ROS1: variants seen among roughly 807,000 people sequenced by gnomAD.
ROS1 encodes the protein ROS proto-oncogene 1, receptor tyrosine kinase.
In ROS1, 263 loss-of-function variants were observed where a neutral mutation model predicts 273.5. The ratio of observed to expected loss-of-function variants is 0.96; its 90% CI spans 0.87 to 1.06. The LOEUF (loss-of-function observed/expected upper bound fraction) is 1.06, where lower values mean the gene tolerates loss of function less well. ROS1 is among the 50% of genes least tolerant of loss of function. The pLI, the probability that ROS1 is intolerant of heterozygous loss-of-function variation, is 0.00. For missense variants in ROS1, 2,833 were observed against 2,751.1 expected, an observed-to-expected ratio of 1.03 and a Z score of -0.67; for synonymous variants, 1,008 against 954.1, an observed-to-expected ratio of 1.06 and a Z score of -1.04.
At position 117,404,432 on chromosome 6, in the gene ROS1, G is replaced by A. The variant is rs547917167; in HGVS notation, c.317-4C>T. The A allele has an allele frequency of 6.2e-7, 1 of 1,610,862 alleles. No individual in the cohort carries two copies. Among genetic ancestry groups the A allele is most frequent in the South Asian group, 1.1e-5 (1 of 90,482 alleles). On this transcript the variant is annotated splice_region_variant and splice_polypyrimidine_tract_variant and intron_variant, in intron 5 of 43. Coordinates refer to ENST00000368507, the MANE Select transcript of ROS1 (RefSeq NM_001378902.1). ...GCAGTTGGTAGGTCTGCATTTTCTG[G>A]GGAAAAAACAAGATTTCACTCACCA...
At chr6:117,346,468 A>G (rs1425737333) in intron 27 of ROS1, among the ~76,000 whole-genome samples, 1 of 151,660 alleles carries the variant, frequency 6.6e-6, no homozygotes, top group African/African-American at 2.4e-5. Flanking sequence ...TAAAAAAAAA[A>G]CTCATGCCAC....
chr6:117,288,266 T>G lies in ROS1; in HGVS notation c.*226A>C. On this transcript the variant is annotated 3_prime_UTR_variant, in exon 44 of 44. Transcript: ENST00000368507. Reference sequence around the variant, plus strand: ...TCTGAGTCTTCCTAAGCTTTCCACATGCTTAGTGTTCATCTCATAATTCTA... The same window carrying G: ...TCTGAGTCTTCCTAAGCTTTCCACAGGCTTAGTGTTCATCTCATAATTCTA... 3.6e-6 allele frequency: 2 copies of G among 548,632 alleles called. No homozygotes were observed. The highest frequency in any genetic ancestry group is 3.2e-6 in the Non-Finnish European group (1 of 312,202). The allele number at this position is 548,632 out of a possible 1,614,324, so 34.0% of individuals were successfully genotyped here.
chr6:117,297,868 A>T (rs1344489181), intron 43 of ROS1, among the ~76,000 whole-genome samples: 1 of 152,188 alleles, frequency 6.6e-6, no homozygotes, highest in South Asian at 2.1e-4. Flanking sequence ...TTCCATTACT[A>T]GGTATCTATC....
At position 117,319,878 on chromosome 6, in the gene ROS1, A is replaced by G. The variant is rs145889490; in HGVS notation, c.5912T>C (p.Val1971Ala). 2.9e-5 allele frequency: 47 copies of G among 1,613,060 alleles called. No individual in the cohort carries two copies. The African/African-American group carries it at 5.7e-4, about 20-fold the overall frequency. The change falls in exon 37 of 44, where the codon GTA becomes GCA. Residue 1971 changes from valine to alanine, a missense_variant. Transcript: ENST00000368507. ...ILGVGSGEIK[V>A]AVKTLKKGST... ...GAAGATTCACATTACCTTCACTGCT[A>G]CTTTGATTTCTCCACTTCCAACTCC...
chr6:117,351,773 T>G lies in ROS1; in HGVS notation c.4303+1217A>C, dbSNP rs188385389. ...TTTTCAGTTTGCTCAGACTTTTACT[T>G]GTTTTTGGGTGGAGTGGCAATTTCT... On this transcript the variant is annotated intron_variant, in intron 27 of 43. Coordinates refer to ENST00000368507, the MANE Select transcript of ROS1 (RefSeq NM_001378902.1). 2.2e-4 allele frequency among the ~76,000 whole-genome samples: 34 copies of G among 152,304 alleles called. 1 individual carries two copies. Among genetic ancestry groups the G allele is most frequent in the Middle Eastern group, 6.8e-3 (2 of 294 alleles).
chr6:117,348,192 A>G (rs1374377697), intron 27 of ROS1, among the ~76,000 whole-genome samples: 1 of 152,036 alleles, frequency 6.6e-6, no homozygotes, highest in Non-Finnish European at 1.5e-5. Context: ...GATAGAATGC[A>G]TCATTGAATC....
chr6:117,367,161 T>G (rs1780328646), intron 18 of ROS1, among the ~76,000 whole-genome samples: 1 of 152,092 alleles, frequency 6.6e-6, no homozygotes, highest in African/African-American at 2.4e-5. Flanking sequence ...AGCCTATAGA[T>G]GTGAAGTTAG....
At chr6:117,417,787 T>A (rs1775446688) in intron 2 of ROS1, among the ~76,000 whole-genome samples, 1 of 152,238 alleles carries the variant, frequency 6.6e-6, no homozygotes, top group Admixed American at 6.5e-5. Flanking sequence ...CGATAGGCTT[T>A]TTCCCCTCTA....
intron 18 of ROS1, among the ~76,000 whole-genome samples, chr6:117,372,579 C>CTTCTG (rs1780899565): frequency 6.6e-6 from 1 of 152,088 alleles, no homozygotes; most frequent in South Asian, 2.1e-4. Context: ...GAGTTTCTTC[C>CTTCTG]TTCTGGTGGG....
At chr6:117,311,674 G>A (rs944285809) in intron 39 of ROS1, among the ~76,000 whole-genome samples, 5 of 151,912 alleles carry the variant, frequency 3.3e-5, no homozygotes, top group African/African-American at 9.7e-5. Flanking sequence ...TTTCTCATAC[G>A]AGCCCCATGC....
chr6:117,317,578 A>AACC, intron 38 of ROS1, among the ~76,000 whole-genome samples: 1 of 152,256 alleles, frequency 6.6e-6, no homozygotes, highest in South Asian at 2.1e-4. Flanking sequence ...ATATTTAAAA[A>AACC]CATTGGGTTT....
chr6:117,289,913 G>A (rs909953476), intron 43 of ROS1, among the ~76,000 whole-genome samples: 3 of 152,182 alleles, frequency 2.0e-5, no homozygotes, highest in East Asian at 1.9e-4. Context: ...GAATAACTTG[G>A]TATATGTAAT....
intron 12 of ROS1, among the ~76,000 whole-genome samples, chr6:117,392,177 C>T (rs1344502473): frequency 6.6e-6 from 1 of 152,172 alleles, no homozygotes; most frequent in African/African-American, 2.4e-5. Flanking sequence ...CCTTGTCCTA[C>T]ATCACAAAGC....
At chr6:117,360,076 G>C (rs553677775) in intron 23 of ROS1, 65 bp from the exon 24 acceptor site, 34 of 1,318,770 alleles carry the variant, frequency 2.6e-5, no homozygotes, top group Non-Finnish European at 3.5e-5. Context: ...GCAAAGTCTC[G>C]ATTTAATATC....
At chr6:117,375,558 G>A (rs1254503854) in intron 18 of ROS1, among the ~76,000 whole-genome samples, 1 of 152,008 alleles carries the variant, frequency 6.6e-6, no homozygotes, top group Admixed American at 6.5e-5. Context: ...ACCTGCACAT[G>A]TACCCCTTAA....
At position 117,326,291 on chromosome 6, in the gene ROS1, T is replaced by C; in HGVS notation, c.5472A>G (p.Val1824=). The C allele has an allele frequency of 6.2e-7, 1 of 1,602,150 alleles. No individual in the cohort carries two copies. Among genetic ancestry groups the C allele is most frequent in the South Asian group, 1.1e-5 (1 of 88,856 alleles). ...KNLKGIFQFR[V]VAANNLGFGE... ...CAAACCCTAGATTATTTGCAGCTACTACTCTGAACTGAAATATTCCTTTCA... is the reference window on the plus strand; with the variant it reads ...CAAACCCTAGATTATTTGCAGCTACCACTCTGAACTGAAATATTCCTTTCA... Residue 1824 remains valine, a synonymous_variant, in exon 34 of 44, where the codon GTA becomes GTG. Coordinates refer to ENST00000368507, the MANE Select transcript of ROS1 (RefSeq NM_001378902.1).
chr6:117,339,808 T>G (rs1030094858), intron 31 of ROS1, among the ~76,000 whole-genome samples: 5 of 152,146 alleles, frequency 3.3e-5, no homozygotes, highest in Non-Finnish European at 5.9e-5. Flanking sequence ...TCTGCTGTCC[T>G]TCTCCCCAAA....
At chr6:117,386,202 C>T (rs926428176) in intron 15 of ROS1, among the ~76,000 whole-genome samples, 4 of 152,204 alleles carry the variant, frequency 2.6e-5, no homozygotes, top group Non-Finnish European at 4.4e-5. Flanking sequence ...ATGTGTTCTG[C>T]CTGAGGGCTC....
rs2128574902 is a variant in ROS1 at position 117,324,351 on chromosome 6, A to G, written c.5604T>C (p.Val1868=). ...LTIIVGIFLV[V]TIPLTFVWHR... ...ACTTACCAAAGGTCAGTGGGATTGT[A>G]ACAACCAGAAATATTCCAACTATAA... Residue 1868 remains valine, a synonymous_variant, in exon 35 of 44, where the codon GTT becomes GTC. Coordinates refer to ENST00000368507, the MANE Select transcript of ROS1 (RefSeq NM_001378902.1). 6.6e-7 allele frequency: 1 copy of G among 1,524,264 alleles called. No homozygotes were observed. Among genetic ancestry groups the G allele is most frequent in the Non-Finnish European group, 9.0e-7 (1 of 1,105,772 alleles). The allele number at this position is 1,524,264 out of a possible 1,614,324, so 94.4% of individuals were successfully genotyped here. A position where few individuals can be genotyped will look rare whatever the true frequency, so the allele number is the denominator to read the frequency against.
Sources: allele counts gnomAD v4.1 joint callset (sites outside exome capture counted in the v4.1 genomes callset), GRCh38; gene constraint gnomAD v4.1.1; transcripts MANE v1.5; gene names NCBI Gene and HGNC (gene_info 2026-07-23, HGNC 2026-07-21).